The following DENND1B variants were observed in gnomAD, a reference collection of about 807,000 sequenced individuals.
DENND1B encodes the protein DENN domain containing 1B.
DENND1B carries 59 observed loss-of-function variants against 90.1 expected under a neutral mutation model. The observed-to-expected ratio is 0.65, with a 90% CI of 0.53 to 0.81. The LOEUF (loss-of-function observed/expected upper bound fraction) is 0.81, where lower values mean the gene tolerates loss of function less well. Ranked by LOEUF, DENND1B falls within the 40% of genes least tolerant of loss-of-function variation. The pLI, the probability that DENND1B is intolerant of heterozygous loss-of-function variation, is 0.00. For synonymous variants in DENND1B, 337 were observed against 324.6 expected (o/e 1.04, Z -0.41); for missense variants, 862 against 912.6 (o/e 0.94, Z 0.71).
intron 3 of DENND1B, among the ~76,000 whole-genome samples, chr1:197,713,543 A>T (rs1355351469): frequency 4.2e-5 from 2 of 48,106 alleles, no homozygotes; most frequent in Non-Finnish European, 7.4e-5. Context: ...ATGAGATCAC[A>T]TGGACACAGG....
chr1:197,639,248 G>C (rs1244256343), intron 10 of DENND1B, among the ~76,000 whole-genome samples: 2 of 151,974 alleles, frequency 1.3e-5, no homozygotes, highest in African/African-American at 4.8e-5. Context: ...ATTTTTAGTA[G>C]AGATGGGGTT....
At position 197,511,797 on chromosome 1, in the gene DENND1B, C is replaced by T. The variant is rs12142127; in HGVS notation, c.1746G>A (p.Gln582=). 0.31 allele frequency: 505,603 copies of T among 1,609,470 alleles called. 82,891 individuals are homozygous for T. The highest frequency in any genetic ancestry group is 0.37 in the Middle Eastern group (2,234 of 6,042). Residue 582 remains glutamine (Q), a synonymous_variant, in exon 22 of 23, where the codon CAG becomes CAA. Coordinates refer to ENST00000620048, the MANE Select transcript of DENND1B (RefSeq NM_001195215.2). ...AGCTCTTTGCAGCTGCCAGCTTCCC[C>T]TGATCTGAGCTGTGTGTGCTCAATG... ...LDTLSTHSSD[Q]GKLAAAKSLD... is the part of the protein sequence containing the mutation.
chr1:197,759,901 T>C (rs1406445584), intron 2 of DENND1B, among the ~76,000 whole-genome samples: 1 of 152,058 alleles, frequency 6.6e-6, no homozygotes, highest in Admixed American at 6.6e-5. Flanking sequence ...GATTGAAAAA[T>C]CCCTTAACAG....
rs1375948772 is a variant in DENND1B, at chr1:197,510,730, G to C, written c.2058C>G (p.Phe686Leu). 6.2e-7 allele frequency: 1 copy of C among 1,612,570 alleles called. No individual in the cohort carries two copies. The highest frequency in any genetic ancestry group is 8.5e-7 in the Non-Finnish European group (1 of 1,179,186). ...NVSDPTSGLD[F>L]QLTSPEVSQT... ...GGGAAACTTCAGGGGAAGTGAGTTG[G>C]AAATCCAGTCCTGAAGTAGGGTCAC... Residue 686 changes from phenylalanine to leucine, a missense_variant, in exon 23 of 23, where the codon TTC (phenylalanine) becomes TTG (leucine). Coordinates refer to ENST00000620048, the MANE Select transcript of DENND1B (RefSeq NM_001195215.2).
chr1:197,767,006 C>T (rs1426717001), intron 2 of DENND1B, among the ~76,000 whole-genome samples: 1 of 151,968 alleles, frequency 6.6e-6, no homozygotes, highest in East Asian at 1.9e-4. Context: ...GTTGGCCAGG[C>T]TGGTCTCAAA....
chr1:197,569,590 AC>A (rs1672978596), intron 15 of DENND1B, among the ~76,000 whole-genome samples: 1 of 151,630 alleles, frequency 6.6e-6, no homozygotes, highest in Non-Finnish European at 1.5e-5. Flanking sequence ...ACACACACAC[AC>A]ACACAATGGA....
At chr1:197,640,164 G>A (rs2125914617) in intron 10 of DENND1B, among the ~76,000 whole-genome samples, 2 of 152,182 alleles carry the variant, frequency 1.3e-5, no homozygotes, top group South Asian at 4.1e-4. Context: ...AACTGCAGAT[G>A]TAGACTATTA....
intron 3 of DENND1B, among the ~76,000 whole-genome samples, chr1:197,705,696 G>C (rs907251590): frequency 1.3e-5 from 2 of 149,998 alleles, no homozygotes; most frequent in Admixed American, 6.7e-5. Context: ...TTTGTAATTG[G>C]TTGAACAGAC....
At chr1:197,559,467 C>A (rs1245163072) in intron 15 of DENND1B, among the ~76,000 whole-genome samples, 1 of 151,878 alleles carries the variant, frequency 6.6e-6, no homozygotes, top group Non-Finnish European at 1.5e-5. Context: ...AATCTACACA[C>A]CCAAATTCCT....
At position 197,637,092 on chromosome 1, in the gene DENND1B, C is replaced by T. The variant is rs184484712; in HGVS notation, c.672+5619G>A. On this transcript the variant is annotated intron_variant, in intron 10 of 22. Transcript: ENST00000620048. ...GTACATTTTAAAATAAACACACTGC[C>T]CTCAATAGTTTTATTAAAGAAACAA... is the stretch of plus-strand genomic sequence containing the variant. 1.9e-3 allele frequency among the ~76,000 whole-genome samples: 285 copies of T among 151,908 alleles called. 4 individuals are homozygous for T. The highest frequency in any genetic ancestry group is 5.2e-4 in the Non-Finnish European group (35 of 67,904).
chr1:197,518,147 C>G (rs1389927834), intron 20 of DENND1B, among the ~76,000 whole-genome samples: 1 of 151,812 alleles, frequency 6.6e-6, no homozygotes. Context: ...TCCAGGAAAA[C>G]TGCAAAAGAC....
intron 3 of DENND1B, among the ~76,000 whole-genome samples, chr1:197,695,228 T>C (rs1658306672): frequency 6.6e-6 from 1 of 151,140 alleles, no homozygotes; most frequent in East Asian, 1.9e-4. Context: ...AGATTTACTT[T>C]TATACATTTT....
At chr1:197,720,942 ATTTAAT>A (rs1458766367) in intron 2 of DENND1B, among the ~76,000 whole-genome samples, 1 of 152,138 alleles carries the variant, frequency 6.6e-6, no homozygotes, top group Non-Finnish European at 1.5e-5. Context: ...AGATGACAAT[ATTTAAT>A]TTTATCATCT....
chr1:197,694,372 C>T (rs1004713241), intron 3 of DENND1B, among the ~76,000 whole-genome samples: 1 of 151,420 alleles, frequency 6.6e-6, no homozygotes, highest in African/African-American at 2.4e-5. Flanking sequence ...TTAAATGCTA[C>T]TCTTGTTGTT....
intron 20 of DENND1B, among the ~76,000 whole-genome samples, chr1:197,536,561 T>A (rs1020429580): frequency 6.6e-6 from 1 of 151,776 alleles, no homozygotes; most frequent in East Asian, 1.9e-4. Context: ...GGGAAAAAAA[T>A]TAAGGGTGAA....
intron 15 of DENND1B, among the ~76,000 whole-genome samples, chr1:197,571,776 ATG>A (rs1463047469): frequency 6.6e-6 from 1 of 152,220 alleles, no homozygotes; most frequent in Non-Finnish European, 1.5e-5. Context: ...AACAAATAAA[ATG>A]TGTTCAAACT....
At position 197,607,107 on chromosome 1, in the gene DENND1B, G is replaced by C; in HGVS notation, c.887C>G (p.Pro296Arg). 3 of 1,605,702 alleles carry C rather than the reference G, an allele frequency of 1.9e-6. No homozygotes were observed. The highest frequency in any genetic ancestry group is 2.6e-6 in the Non-Finnish European group (3 of 1,174,984). The change falls in exon 13 of 23, where the codon CCA (proline) becomes CGA (arginine). Residue 296 changes from proline (P) to arginine (R), a missense_variant. Physicochemically the swap from Pro to Arg is moderately radical, Grantham distance 103 (BLOSUM62 -2). Coordinates refer to ENST00000620048, the MANE Select transcript of DENND1B (RefSeq NM_001195215.2). ...TGGTAGGTTGTTCAAGTCACTAAAT[G>C]GTGATTCTAATGTGTTTGTATCAAC... ...LNVDTNTLESPFSDLNNLPSD... is the reference protein window; with the variant it reads ...LNVDTNTLESRFSDLNNLPSD...
intron 2 of DENND1B, among the ~76,000 whole-genome samples, chr1:197,736,268 C>T (rs1402473812): frequency 6.6e-6 from 1 of 151,974 alleles, no homozygotes; most frequent in Non-Finnish European, 1.5e-5. Context: ...AATTTTGAGT[C>T]AGAGATAACA....
Position 197,693,697 on chromosome 1 carries a change from T to A in DENND1B, c.127-19528A>T, listed in dbSNP as rs1363436971. Among the ~76,000 whole-genome samples, 4 of 151,590 alleles carry A rather than the reference T, an allele frequency of 2.6e-5. No individual in the cohort carries two copies. In the Admixed American group the frequency reaches 2.6e-4, roughly 10 times the overall value. ...ATTTCAAATTATCATTTTCACATCATATTCCATCATCTTTTCATCAGTTTC... is the reference window on the plus strand; with the variant it reads ...ATTTCAAATTATCATTTTCACATCAAATTCCATCATCTTTTCATCAGTTTC... On this transcript the variant is annotated intron_variant, in intron 3 of 22. Coordinates refer to ENST00000620048, the MANE Select transcript of DENND1B (RefSeq NM_001195215.2).
Sources: gnomAD v4.1 joint callset for allele counts (sites outside exome capture counted in the v4.1 genomes callset) on GRCh38, gnomAD v4.1.1 for gene constraint, MANE v1.5 for transcripts, NCBI Gene and HGNC (gene_info 2026-07-23, HGNC 2026-07-21) for gene names.